The following GRK3 variants were observed in gnomAD, a reference collection of about 807,000 sequenced individuals.
GRK3 encodes the protein G protein-coupled receptor kinase 3.
Under a neutral mutation model 95.7 loss-of-function variants are expected in GRK3, and 54 were observed. The ratio of observed to expected loss-of-function variants is 0.56; its 90% CI spans 0.45 to 0.71. The LOEUF (loss-of-function observed/expected upper bound fraction) is 0.71. Among genes scored for constraint, GRK3 ranks in the 30% least tolerant of loss-of-function variants. The pLI is 0.00. For missense variants in GRK3, 649 were observed against 851.2 expected (o/e 0.76, Z 2.96); for synonymous variants, 281 against 290.8 (o/e 0.97, Z 0.34).
intron 2 of GRK3, among the ~76,000 whole-genome samples, chr22:25,629,416 G>A (rs1169095893): frequency 2.0e-5 from 3 of 152,214 alleles, no homozygotes; most frequent in Non-Finnish European, 2.9e-5. Context: ...GGAGCTGTGG[G>A]TGCTGGAACC....
At chr22:25,569,397 A>C (rs1297754877) in intron 1 of GRK3, among the ~76,000 whole-genome samples, 3 of 152,188 alleles carry the variant, frequency 2.0e-5, no homozygotes, top group Admixed American at 1.3e-4. Context: ...GTTCCGGTGA[A>C]ATCAGTTTTG....
chr22:25,625,514 T>C (rs2084621027), intron 2 of GRK3, among the ~76,000 whole-genome samples: 1 of 152,066 alleles, frequency 6.6e-6, no homozygotes, highest in African/African-American at 2.4e-5. Flanking sequence ...CAGCGAAAAG[T>C]GTCAAGGAAC....
intron 1 of GRK3, among the ~76,000 whole-genome samples, chr22:25,599,630 A>G (rs546904377): frequency 2.0e-5 from 3 of 151,916 alleles, no homozygotes; most frequent in East Asian, 3.9e-4. Flanking sequence ...AAAATCACAT[A>G]TATAATAAAT....
intron 2 of GRK3, among the ~76,000 whole-genome samples, chr22:25,616,914 C>G (rs555047003): frequency 4.6e-5 from 7 of 152,270 alleles, no homozygotes; most frequent in Admixed American, 3.3e-4. Flanking sequence ...TGTCACACCT[C>G]CTTTGCATTC....
chr22:25,609,109 T>TA (rs2084475282), intron 2 of GRK3, among the ~76,000 whole-genome samples: 1 of 152,226 alleles, frequency 6.6e-6, no homozygotes, highest in African/African-American at 2.4e-5. Context: ...GGATACTGGT[T>TA]ATTGAATAGA....
At position 25,703,543 on chromosome 22, in the gene GRK3, C is replaced by G; in HGVS notation, c.1194C>G (p.Asp398Glu). 1 of 1,613,384 alleles carries G rather than the reference C, an allele frequency of 6.2e-7. No homozygotes were observed. Among genetic ancestry groups the G allele is most frequent in the Non-Finnish European group, 8.5e-7 (1 of 1,179,508 alleles). ...HSPFRQHKTK[D>E]KHEIDRMTLT... ...CTTTCAGACAACATAAAACCAAAGA[C>G]AAGCATGAAATTGACCGAATGACAC... is the stretch of plus-strand genomic sequence containing the variant. Residue 398 changes from aspartate (D) to glutamate (E), a missense_variant, in exon 14 of 21, where the codon GAC (aspartate) becomes GAG (glutamate). Asp to Glu is a conservative substitution (Grantham distance 45). Transcript: ENST00000324198.
intron 1 of GRK3, among the ~76,000 whole-genome samples, chr22:25,566,382 A>T (rs1223390905): frequency 6.6e-6 from 1 of 152,088 alleles, no homozygotes; most frequent in Admixed American, 6.6e-5. Flanking sequence ...TCATCATCTG[A>T]TTTTTTTTAC....
At chr22:25,617,459 T>C (rs2084548362) in intron 2 of GRK3, among the ~76,000 whole-genome samples, 1 of 152,214 alleles carries the variant, frequency 6.6e-6, no homozygotes, top group South Asian at 2.1e-4. Context: ...AAGAATCCAA[T>C]GTTATTTTTT....
chr22:25,683,368 A>G (rs534463058), intron 9 of GRK3, among the ~76,000 whole-genome samples: 31 of 152,322 alleles, frequency 2.0e-4, no homozygotes, highest in African/African-American at 7.2e-4. Context: ...ATAAGTACAG[A>G]TTGCTATTAG....
intron 20 of GRK3, 24 bp from the exon 21 acceptor site, chr22:25,722,265 G>A (rs370400395): frequency 1.3e-5 from 21 of 1,609,632 alleles, no homozygotes; most frequent in African/African-American, 1.2e-4. Flanking sequence ...CTGTCACAAC[G>A]GCTGCCTTTG....
intron 3 of GRK3, among the ~76,000 whole-genome samples, chr22:25,653,535 A>G (rs1418675422): frequency 6.6e-6 from 1 of 152,252 alleles, no homozygotes; most frequent in African/African-American, 2.4e-5. Context: ...ATAAAATGAC[A>G]AATCTATAAT....
chr22:25,681,355 G>A (rs2085072596), intron 9 of GRK3, among the ~76,000 whole-genome samples: 1 of 152,208 alleles, frequency 6.6e-6, no homozygotes, highest in Non-Finnish European at 1.5e-5. Flanking sequence ...ACAGTGCTCG[G>A]AAGGCCTTTC....
At chr22:25,610,020 G>A (rs1436792341) in intron 2 of GRK3, among the ~76,000 whole-genome samples, 1 of 150,448 alleles carries the variant, frequency 6.6e-6, no homozygotes, top group Non-Finnish European at 1.5e-5. Context: ...GCTAATTTTT[G>A]TATTTTTTTT....
Position 25,643,464 on chromosome 22 carries a change from T to G in GRK3, c.191-1128T>G, listed in dbSNP as rs76035804. Among the ~76,000 whole-genome samples the G allele has an allele frequency of 4.3e-3, 651 of 152,368 alleles. 4 individuals carry two copies. The highest frequency in any genetic ancestry group is 0.015 in the African/African-American group (617 of 41,588). On this transcript the variant is annotated intron_variant, in intron 2 of 20. Coordinates refer to ENST00000324198, the MANE Select transcript of GRK3 (RefSeq NM_005160.4). ...ATCCTTATGCTAATGTTAATTAAAA[T>G]CTCATCACAGCCACTTCCTTTTTCA...
At chr22:25,716,986 A>C (rs1447742769) in intron 18 of GRK3, among the ~76,000 whole-genome samples, 1 of 152,212 alleles carries the variant, frequency 6.6e-6, no homozygotes, top group African/African-American at 2.4e-5. Flanking sequence ...CTGAAGTAGC[A>C]CAGTTTGAAC....
chr22:25,619,210 CT>C, intron 2 of GRK3, among the ~76,000 whole-genome samples: 1 of 152,254 alleles, frequency 6.6e-6, no homozygotes, highest in Middle Eastern at 3.4e-3. Context: ...ACAGGTAAGT[CT>C]AAGAAGCTTT....
At chr22:25,614,121 T>G (rs1197810931) in intron 2 of GRK3, among the ~76,000 whole-genome samples, 1 of 152,158 alleles carries the variant, frequency 6.6e-6, no homozygotes, top group Non-Finnish European at 1.5e-5. Flanking sequence ...TATTATCTTT[T>G]TTTTAATGTT....
chr22:25,718,449 T>G, intron 19 of GRK3, 68 bp downstream of exon 19: 1 of 1,540,180 alleles, frequency 6.5e-7, no homozygotes, highest in Non-Finnish European at 8.9e-7. Context: ...TATTTCATGT[T>G]GCTGACATGT....
chr22:25,590,175 A>G (rs967684740), intron 1 of GRK3, among the ~76,000 whole-genome samples: 3 of 152,198 alleles, frequency 2.0e-5, no homozygotes, highest in African/African-American at 7.2e-5. Context: ...TTTCATCTTT[A>G]AATATTTCTA....
Sources: gnomAD v4.1 joint callset for allele counts (sites outside exome capture counted in the v4.1 genomes callset) on GRCh38, gnomAD v4.1.1 for gene constraint, MANE v1.5 for transcripts, NCBI Gene and HGNC (gene_info 2026-07-23, HGNC 2026-07-21) for gene names.